WDFY2: variants seen among roughly 807,000 people sequenced by gnomAD.
WDFY2 encodes WD repeat and FYVE domain containing 2.
A neutral mutation model predicts 56.4 loss-of-function variants in WDFY2; 36 were observed. The observed-to-expected ratio is 0.64, with a 90% confidence interval of 0.49 to 0.84. The LOEUF (loss-of-function observed/expected upper bound fraction) is 0.84, where lower values mean the gene tolerates loss of function less well. WDFY2 is among the 40% of genes least tolerant of loss of function. WDFY2 has a pLI of 0.00. For missense variants in WDFY2, 444 were observed against 512.2 expected (o/e 0.87, Z 1.29); for synonymous variants, 176 against 183.7 (o/e 0.96, Z 0.34).
At chr13:51,623,004 C>A (rs894969189) in intron 1 of WDFY2, among the ~76,000 whole-genome samples, 1 of 151,786 alleles carries the variant, frequency 6.6e-6, no homozygotes, top group African/African-American at 2.4e-5. Flanking sequence ...ATTACAAGCA[C>A]GCACAACCAT....
At chr13:51,591,513 T>TA (rs1028671220) in intron 1 of WDFY2, 6 of 152,162 alleles carry the variant, frequency 3.9e-5, no homozygotes, top group Non-Finnish European at 8.8e-5. Flanking sequence ...TAAATCATAG[T>TA]AAAAAATATA....
chr13:51,656,889 TTAAG>T (rs1328804565), intron 1 of WDFY2, among the ~76,000 whole-genome samples: 1 of 152,040 alleles, frequency 6.6e-6, no homozygotes, highest in Non-Finnish European at 1.5e-5. Flanking sequence ...GTAGTCTCAT[TTAAG>T]TAGCAAAAAG....
intron 1 of WDFY2, among the ~76,000 whole-genome samples, chr13:51,624,526 ATAT>A (rs1250484036): frequency 6.6e-6 from 1 of 152,242 alleles, no homozygotes; most frequent in Non-Finnish European, 1.5e-5. Flanking sequence ...GCATGGGCTA[ATAT>A]TAGTAAACAA....
chr13:51,620,357 C>G (rs1042472073), intron 1 of WDFY2, among the ~76,000 whole-genome samples: 2 of 152,030 alleles, frequency 1.3e-5, no homozygotes, highest in African/African-American at 4.8e-5. Context: ...CGGCATCCCT[C>G]CCTGGTGTCC....
At chr13:51,718,908 G>C (rs1178014960) in intron 4 of WDFY2, among the ~76,000 whole-genome samples, 1 of 152,228 alleles carries the variant, frequency 6.6e-6, no homozygotes, top group Admixed American at 6.5e-5. Flanking sequence ...TTGGTTACAG[G>C]AGCTATGTGT....
intron 1 of WDFY2, among the ~76,000 whole-genome samples, chr13:51,621,028 T>A (rs1954716184): frequency 6.6e-6 from 1 of 152,164 alleles, no homozygotes. Flanking sequence ...TTTTAATATG[T>A]TTATTGATGT....
At chr13:51,592,411 C>T (rs1954065304) in intron 1 of WDFY2, 1 of 151,780 alleles carries the variant, frequency 6.6e-6, no homozygotes, top group African/African-American at 2.4e-5. Flanking sequence ...CCTGTCTCTA[C>T]TAAAAATACA....
In WDFY2 at chr13:51,620,695, ACTTTGCTGTAGCACTGAGTTTT is replaced by A. The variant is rs548006221; in HGVS notation, c.137+35877_137+35898del. Among the ~76,000 whole-genome samples, 191 of 152,200 alleles carry A rather than the reference ACTTTGCTGTAGCACTGAGTTTT, an allele frequency of 1.3e-3. 1 individual carries two copies. Among genetic ancestry groups the A allele is most frequent in the African/African-American group, 4.5e-3 (187 of 41,532 alleles). ...TACACTCTAGCCATTGTTCTCTCTG[ACTTTGCTGTAGCACTGAGTTTT>A]CTTTGATGTAGCTGAGCCGGGGATG... On this transcript the variant is annotated intron_variant, in intron 1 of 11. Coordinates refer to ENST00000298125, the MANE Select transcript of WDFY2 (RefSeq NM_052950.4).
chr13:51,655,781 C>G (rs1372123908), intron 1 of WDFY2, among the ~76,000 whole-genome samples: 3 of 152,054 alleles, frequency 2.0e-5, no homozygotes, highest in African/African-American at 7.2e-5. Context: ...GTGAAGCCGT[C>G]TGGTTTTGCA....
chr13:51,654,867 TA>T (rs1210493332), intron 1 of WDFY2, among the ~76,000 whole-genome samples: 1 of 152,160 alleles, frequency 6.6e-6, no homozygotes, highest in Non-Finnish European at 1.5e-5. Context: ...TTTTTAGGTG[TA>T]AAGATTTATC....
At chr13:51,716,188 A>C (rs754468591) in intron 4 of WDFY2, among the ~76,000 whole-genome samples, 2 of 152,194 alleles carry the variant, frequency 1.3e-5, no homozygotes, top group Non-Finnish European at 2.9e-5. Context: ...TCACAGAGAA[A>C]GATAATAGAT....
At position 51,763,093 on chromosome 13, in the gene WDFY2, C is replaced by A. The variant is rs1446125347; in HGVS notation, c.*3324C>A. On this transcript the variant is annotated 3_prime_UTR_variant, in exon 12 of 12. Coordinates refer to ENST00000298125, the MANE Select transcript of WDFY2 (RefSeq NM_052950.4). ...CTTCAGAGATCTAGAGTGTTTCAAG[C>A]AGAAAACACATTAGTTATACAGGGC... is the stretch of plus-strand genomic sequence containing the variant. 2 of 152,078 alleles carry A rather than the reference C, an allele frequency of 1.3e-5. No individual in the cohort carries two copies. Among genetic ancestry groups the A allele is most frequent in the East Asian group, 3.9e-4 (2 of 5,194 alleles). The allele number at this position is 152,078 out of a possible 1,614,324, so 9.4% of individuals were successfully genotyped here. A position where few individuals can be genotyped will look rare whatever the true frequency, so the allele number is the denominator to read the frequency against.
At chr13:51,634,060 TACCTA>T (rs1955002073) in intron 1 of WDFY2, among the ~76,000 whole-genome samples, 2 of 152,198 alleles carry the variant, frequency 1.3e-5, no homozygotes, top group African/African-American at 4.8e-5. Flanking sequence ...ATTAATTACT[TACCTA>T]AATTACTTAA....
intron 1 of WDFY2, among the ~76,000 whole-genome samples, chr13:51,653,055 A>G (rs1330201671): frequency 6.6e-6 from 1 of 152,150 alleles, no homozygotes; most frequent in Admixed American, 6.5e-5. Flanking sequence ...TCAGACGTAG[A>G]TTTGGTCTTT....
chr13:51,729,474 A>T (rs1302527540), intron 6 of WDFY2, among the ~76,000 whole-genome samples: 1 of 150,900 alleles, frequency 6.6e-6, no homozygotes, highest in Non-Finnish European at 1.5e-5. Context: ...CCAACAAACA[A>T]ACTTTTTCTC....
chr13:51,631,000 G>A (rs554336744), intron 1 of WDFY2, among the ~76,000 whole-genome samples: 23 of 151,010 alleles, frequency 1.5e-4, no homozygotes, highest in Non-Finnish European at 3.3e-4. Context: ...GGCTAGTCTC[G>A]AACTCCTGAC....
intron 7 of WDFY2, among the ~76,000 whole-genome samples, chr13:51,749,464 A>G (rs909413306): frequency 6.6e-6 from 1 of 152,162 alleles, no homozygotes; most frequent in African/African-American, 2.4e-5. Flanking sequence ...AACCAGAGAA[A>G]CTAATTTATA....
chr13:51,586,773 A>G (rs1378734952), intron 1 of WDFY2: 1 of 152,220 alleles, frequency 6.6e-6, no homozygotes, highest in Admixed American at 6.5e-5. Flanking sequence ...TGTAAATAAT[A>G]GAAATTATTT....
rs149345068 is a variant in WDFY2 at position 51,728,630 on chromosome 13, T to A, written c.598+840T>A. Among the ~76,000 whole-genome samples, 938 of 152,226 alleles carry A rather than the reference T, an allele frequency of 6.2e-3. 10 individuals are homozygous for A. Among genetic ancestry groups the A allele is most frequent in the African/African-American group, 0.019 (772 of 41,530 alleles). ...GGATGTAAAATTGGATAGTACCTGG[T>A]TCATAAGGGGCTTCCTAAAGGGAAA... On this transcript the variant is annotated intron_variant, in intron 6 of 11. Transcript: ENST00000298125.
Sources: gnomAD v4.1 joint callset for allele counts (sites outside exome capture counted in the v4.1 genomes callset) on GRCh38, gnomAD v4.1.1 for gene constraint, MANE v1.5 for transcripts, NCBI Gene and HGNC (gene_info 2026-07-23, HGNC 2026-07-21) for gene names.